The following COMMD10 variants were observed in gnomAD, a reference collection of about 807,000 sequenced individuals.
COMMD10 encodes the protein COMM domain containing 10.
A neutral mutation model predicts 28.9 loss-of-function variants in COMMD10; 33 were observed. That is an observed-to-expected ratio of 1.14 (90% CI 0.87 to 1.53). The LOEUF (loss-of-function observed/expected upper bound fraction) is 1.53, where lower values mean the gene tolerates loss of function less well. COMMD10 is among the 40% of genes most tolerant of loss of function. The probability of loss-of-function intolerance (pLI) is 0.00; values close to 1 mark genes in which losing one functional copy is unlikely to be tolerated. For missense variants in COMMD10, 310 were observed against 233.4 expected (o/e 1.33, Z -2.14); for synonymous variants, 110 against 81.7 (o/e 1.35, Z -1.87).
chr5:116,196,386 T>C (rs1290339415), intron 5 of COMMD10, among the ~76,000 whole-genome samples: 7 of 152,040 alleles, frequency 4.6e-5, no homozygotes, highest in Admixed American at 2.0e-4. Context: ...ACTACAAATA[T>C]GGTGCAGTGT....
intron 5 of COMMD10, among the ~76,000 whole-genome samples, chr5:116,209,687 C>G (rs77933184): frequency 0.013 from 2,020 of 152,216 alleles, 49 homozygotes; most frequent in African/African-American, 0.045. Context: ...TGAGTGTTAT[C>G]TGAAGTCATA....
At chr5:116,207,253 T>C (rs1353474444) in intron 5 of COMMD10, among the ~76,000 whole-genome samples, 2 of 152,210 alleles carry the variant, frequency 1.3e-5, no homozygotes, top group Non-Finnish European at 2.9e-5. Flanking sequence ...AAATGTCCAA[T>C]AGCTATGTTT....
At chr5:116,244,675 AAAAG>A (rs1473438002) in intron 5 of COMMD10, among the ~76,000 whole-genome samples, 1 of 150,936 alleles carries the variant, frequency 6.6e-6, no homozygotes, top group African/African-American at 2.4e-5. Context: ...AAAAAAAAAA[AAAAG>A]AAAACAGCCA....
At chr5:116,279,725 G>A (rs1751019150) in intron 5 of COMMD10, among the ~76,000 whole-genome samples, 1 of 151,830 alleles carries the variant, frequency 6.6e-6, no homozygotes, top group African/African-American at 2.4e-5. Context: ...TTTGTAAAAT[G>A]CTCACAGTGG....
chr5:116,222,136 A>G lies in COMMD10; in HGVS notation c.511-69381A>G, dbSNP rs1362829705. ...ATGTTAAGAAGTTAGGGAAGGACAC[A>G]GAGCATAATTGAGATGAAATTGTAA... On this transcript the variant is annotated intron_variant, in intron 5 of 6. Transcript: ENST00000274458. Among the ~76,000 whole-genome samples the G allele has an allele frequency of 2.0e-5, 3 of 152,206 alleles. No individual in the cohort carries two copies. The East Asian group carries it at 5.8e-4, about 29-fold the overall frequency.
chr5:116,251,643 A>G (rs1245881539), intron 5 of COMMD10, among the ~76,000 whole-genome samples: 37 of 150,760 alleles, frequency 2.5e-4, no homozygotes, highest in African/African-American at 7.8e-4. Flanking sequence ...TTATGGCTGC[A>G]TAGTATTCCA....
At chr5:116,134,958 T>A (rs12514600) in intron 5 of COMMD10, among the ~76,000 whole-genome samples, 11,122 of 152,290 alleles carry the variant, frequency 0.073, 475 homozygotes, top group Admixed American at 0.13. Flanking sequence ...TACTTTATTA[T>A]TAATTTCAGA....
chr5:116,209,523 A>G (rs1248274836), intron 5 of COMMD10, among the ~76,000 whole-genome samples: 1 of 152,168 alleles, frequency 6.6e-6, no homozygotes, highest in African/African-American at 2.4e-5. Flanking sequence ...GAAATAATAG[A>G]CCAGGAGCAT....
intron 5 of COMMD10, among the ~76,000 whole-genome samples, chr5:116,248,914 G>A (rs1283737475): frequency 6.6e-6 from 1 of 151,944 alleles, no homozygotes; most frequent in East Asian, 1.9e-4. Context: ...TTAAGTTACT[G>A]ACATCTTGTT....
intron 5 of COMMD10, among the ~76,000 whole-genome samples, chr5:116,265,158 A>G (rs1328743817): frequency 6.6e-6 from 1 of 151,832 alleles, no homozygotes; most frequent in East Asian, 1.9e-4. Context: ...AGAGCTAGAA[A>G]TTGCAATTTA....
In COMMD10 at chr5:116,096,733, T is replaced by C. The variant is rs1580440944; in HGVS notation, c.399+4033T>C. Among the ~76,000 whole-genome samples, 5 of 152,114 alleles carry C rather than the reference T, an allele frequency of 3.3e-5. No homozygotes were observed. The South Asian group carries it at 1.0e-3, about 31-fold the overall frequency. Reference sequence around the variant, plus strand: ...GTTAGAAAATGCCCCTTTATTGTTTTCACTTCTCTACTTCCCTTTTTAAAA... The same window carrying C: ...GTTAGAAAATGCCCCTTTATTGTTTCCACTTCTCTACTTCCCTTTTTAAAA... On this transcript the variant is annotated intron_variant, in intron 4 of 6. Coordinates refer to ENST00000274458, the MANE Select transcript of COMMD10 (RefSeq NM_016144.4).
At chr5:116,227,067 A>G (rs1215129778) in intron 5 of COMMD10, among the ~76,000 whole-genome samples, 1 of 151,960 alleles carries the variant, frequency 6.6e-6, no homozygotes, top group Non-Finnish European at 1.5e-5. Context: ...TTCTGGTGTT[A>G]CAGAGTGGTA....
At position 116,122,334 on chromosome 5, in the gene COMMD10, G is replaced by T. The variant is rs550654631; in HGVS notation, c.400-11734G>T. Among the ~76,000 whole-genome samples, 41 of 152,222 alleles carry T rather than the reference G, an allele frequency of 2.7e-4. No individual in the cohort carries two copies. The East Asian group carries it at 7.5e-3, about 28-fold the overall frequency. ...TCTGAGGCCTCTGTTCTGTTCCATTGGTCTGTATCTCTGTTTTGGTACCAG... is the reference window on the plus strand; with the variant it reads ...TCTGAGGCCTCTGTTCTGTTCCATTTGTCTGTATCTCTGTTTTGGTACCAG... On this transcript the variant is annotated intron_variant, in intron 4 of 6. Transcript: ENST00000274458.
rs1752025137 is a variant in COMMD10 at position 116,136,381 on chromosome 5, A to G, written c.510+2203A>G. ...ACATACATGCACATTCCAAGTAGCT[A>G]TATACTTCCTTTGTTTTATTTTTCG... On this transcript the variant is annotated intron_variant, in intron 5 of 6. Transcript: ENST00000274458. Among the ~76,000 whole-genome samples the G allele has an allele frequency of 2.6e-5, 4 of 152,318 alleles. 1 individual carries two copies. The South Asian group carries it at 8.3e-4, about 32-fold the overall frequency.
chr5:116,166,950 GGAT>G (rs1753140991), intron 5 of COMMD10, among the ~76,000 whole-genome samples: 1 of 151,998 alleles, frequency 6.6e-6, no homozygotes, highest in South Asian at 2.1e-4. Context: ...CTCCTCCAAA[GGAT>G]CACAGTTCCT....
At chr5:116,172,292 T>C (rs534431834) in intron 5 of COMMD10, among the ~76,000 whole-genome samples, 8 of 152,232 alleles carry the variant, frequency 5.3e-5, no homozygotes, top group Non-Finnish European at 8.8e-5. Context: ...GTGGGAAAGC[T>C]ATTTACACTG....
intron 5 of COMMD10, among the ~76,000 whole-genome samples, chr5:116,156,421 A>G (rs1752713291): frequency 6.6e-6 from 1 of 152,194 alleles, no homozygotes. Flanking sequence ...CATCTATTAC[A>G]GTACAGTTTC....
At chr5:116,281,907 C>CT (rs1198728954) in intron 5 of COMMD10, among the ~76,000 whole-genome samples, 2 of 151,630 alleles carry the variant, frequency 1.3e-5, no homozygotes, top group Non-Finnish European at 2.9e-5. Context: ...CATACTACTA[C>CT]TTTTTTTTGG....
In COMMD10 at chr5:116,134,153, T is replaced by C. The variant is rs1177888903; in HGVS notation, c.485T>C (p.Leu162Pro). 6.2e-7 allele frequency: 1 copy of C among 1,606,496 alleles called. No individual in the cohort carries two copies. Reference protein sequence around the residue: ...KLKSPQAVLQLGVNNEDSKSL... With the variant: ...KLKSPQAVLQPGVNNEDSKSL... The stretch of plus-strand genomic sequence containing the variant: ...AAATCTCCTCAAGCTGTGTTACAAC[T>C]CGGAGTGAACAATGAAGATTCAAAG... Residue 162 changes from leucine to proline, a missense_variant, in exon 5 of 7, where the codon CTC becomes CCC. Transcript: ENST00000274458.
Sources: allele counts gnomAD v4.1 joint callset (sites outside exome capture counted in the v4.1 genomes callset), GRCh38; gene constraint gnomAD v4.1.1; transcripts MANE v1.5; gene names NCBI Gene and HGNC (gene_info 2026-07-23, HGNC 2026-07-21).